The following PTPRF variants were observed in gnomAD, a reference collection of about 807,000 sequenced individuals.
The protein encoded by PTPRF is receptor-type tyrosine-protein phosphatase F.
A neutral mutation model predicts 201.8 loss-of-function variants in PTPRF; 59 were observed. The ratio of observed to expected loss-of-function variants is 0.29; its 90% CI spans 0.24 to 0.36. The LOEUF (loss-of-function observed/expected upper bound fraction) is 0.36. Among genes scored for constraint, PTPRF ranks in the 10% least tolerant of loss-of-function variants. PTPRF has a pLI of 1.00. For synonymous variants in PTPRF, 1,088 were observed against 1,089.7 expected (o/e 1.00, Z 0.03); for missense variants, 2,132 against 2,690.5 (o/e 0.79, Z 4.59).
At chr1:43,568,973 A>G (rs1646377130) in intron 5 of PTPRF, among the ~76,000 whole-genome samples, 1 of 152,238 alleles carries the variant, frequency 6.6e-6, no homozygotes, top group Non-Finnish European at 1.5e-5. Context: ...AGAAAGCTCA[A>G]GGTCAAGGCT....
In PTPRF at chr1:43,606,341, G is replaced by T; in HGVS notation, c.3585G>T (p.Pro1195=). Residue 1195 remains proline, a synonymous_variant, in exon 20 of 34, where the codon CCG becomes CCT. Coordinates refer to ENST00000359947, the MANE Select transcript of PTPRF (RefSeq NM_002840.5). ...TGGCTGCTCAACTGGATGTGCTCCCGGAGACCTTTACCTTGGGGGACAAGA... is the reference window on the plus strand; with the variant it reads ...TGGCTGCTCAACTGGATGTGCTCCCTGAGACCTTTACCTTGGGGGACAAGA... ...PYVAAQLDVL[P]ETFTLGDKKN... 1 of 1,614,172 alleles carries T rather than the reference G, an allele frequency of 6.2e-7. No homozygotes were observed. The highest frequency in any genetic ancestry group is 8.5e-7 in the Non-Finnish European group (1 of 1,180,016).
chr1:43,578,665 G>C, intron 6 of PTPRF, 145 bp from the exon 7 acceptor site: 1 of 637,422 alleles, frequency 1.6e-6, no homozygotes, highest in Non-Finnish European at 2.8e-6. Flanking sequence ...GAGCTTCCTG[G>C]AAGCAGCAGG....
At chr1:43,616,929 C>T (rs1459421795) in intron 23 of PTPRF, among the ~76,000 whole-genome samples, 4 of 152,012 alleles carry the variant, frequency 2.6e-5, no homozygotes, top group African/African-American at 9.7e-5. Context: ...ACGGGAAGGG[C>T]AGGGGAGAGA....
intron 9 of PTPRF, 117 bp downstream of exon 9, chr1:43,591,670 T>A: frequency 7.0e-7 from 1 of 1,437,010 alleles, no homozygotes; most frequent in South Asian, 1.4e-5. Flanking sequence ...AGGATCAAGG[T>A]GCCGTATTCC....
Position 43,605,360 on chromosome 1 carries a change from C to G in PTPRF, c.3306C>G (p.His1102Gln). The G allele has an allele frequency of 6.2e-7, 1 of 1,613,528 alleles. No homozygotes were observed. Among genetic ancestry groups the G allele is most frequent in the Non-Finnish European group, 8.5e-7 (1 of 1,179,890 alleles). ...SIRTAPDLLP[H>Q]KPLPASAYIE... ...GCACAGCCCCCGACCTCCTGCCTCA[C>G]AAGCCGCTGCCTGCCTCTGCCTACA... Residue 1102 changes from histidine (H) to glutamine (Q), a missense_variant, in exon 18 of 34, where the codon CAC becomes CAG. Coordinates refer to ENST00000359947, the MANE Select transcript of PTPRF (RefSeq NM_002840.5).
chr1:43,562,475 G>A (rs1322758891), intron 5 of PTPRF, among the ~76,000 whole-genome samples: 4 of 151,710 alleles, frequency 2.6e-5, no homozygotes, highest in African/African-American at 9.7e-5. Flanking sequence ...GCGTGATCTC[G>A]GCTCACTGCA....
intron 31 of PTPRF, 62 bp downstream of exon 31, chr1:43,620,641 C>T (rs1441992396): frequency 6.3e-7 from 1 of 1,586,986 alleles, no homozygotes; most frequent in South Asian, 1.2e-5. Context: ...TGGATGGCTG[C>T]CTGCATGGTA....
intron 10 of PTPRF, 28 bp from the exon 11 acceptor site, chr1:43,592,429 G>A (rs1382728838): frequency 1.3e-6 from 2 of 1,586,422 alleles, no homozygotes; most frequent in East Asian, 2.2e-5. Context: ...GCTCAGAGCT[G>A]TCAGTGAGTG....
At position 43,591,818 on chromosome 1, in the gene PTPRF, C is replaced by T. The variant is rs747721714; in HGVS notation, c.1538C>T (p.Ala513Val). The change falls in exon 10 of 34, where the codon GCC becomes GTC. Residue 513 changes from alanine (A) to valine (V), a missense_variant. Ala to Val is a moderately conservative substitution (Grantham distance 64). Coordinates refer to ENST00000359947, the MANE Select transcript of PTPRF (RefSeq NM_002840.5). Reference protein sequence around the residue: ...IQVKTQQGVPAQPADFQAEVE... With the variant: ...IQVKTQQGVPVQPADFQAEVE... ...CTGGTGTGGGGTGTTGCAGTGCCTG[C>T]CCAGCCCGCGGACTTCCAGGCCGAG... 6.2e-7 allele frequency: 1 copy of T among 1,613,020 alleles called. No individual in the cohort carries two copies. The highest frequency in any genetic ancestry group is 8.5e-7 in the Non-Finnish European group (1 of 1,179,934).
Position 43,592,355 on chromosome 1 carries a change from C to G in PTPRF, c.1669-102C>G. ...TATGGTGTGGAGCCAGTCCTGGAGC[C>G]GTGGTGGGTCCAGAGGTGTCACATT... On this transcript the variant is annotated intron_variant, in intron 10 of 33. Transcript: ENST00000359947. 3 of 1,399,182 alleles carry G rather than the reference C, an allele frequency of 2.1e-6. No homozygotes were observed. The South Asian group carries it at 4.1e-5, about 19-fold the overall frequency. 86.7% of individuals were successfully genotyped at this position (1,399,182 alleles called of 1,614,324 possible).
At chr1:43,609,547 C>T in intron 22 of PTPRF, 49 bp downstream of exon 22, 1 of 1,464,504 alleles carries the variant, frequency 6.8e-7, no homozygotes, top group Non-Finnish European at 9.5e-7. Context: ...CCTAGCAGGC[C>T]TGTGGGTCTG....
rs188071444 is a variant in PTPRF, at chr1:43,553,338, A to G, written c.92-154A>G. Among the ~76,000 whole-genome samples the G allele has an allele frequency of 6.6e-6, 1 of 152,332 alleles. No individual in the cohort carries two copies. The highest frequency in any genetic ancestry group is 6.5e-5 in the Admixed American group (1 of 15,304). On this transcript the variant is annotated intron_variant, in intron 3 of 33. Coordinates refer to ENST00000359947, the MANE Select transcript of PTPRF (RefSeq NM_002840.5). The surrounding 1 kb of genome is among the most constrained non-coding windows in gnomAD (Gnocchi z 4.1). Reference sequence around the variant, plus strand: ...GAGTTAAAAAATGTTAAACTCTCTGAACAGTGCCTGGCACATACTAAGCGC... The same window carrying G: ...GAGTTAAAAAATGTTAAACTCTCTGGACAGTGCCTGGCACATACTAAGCGC...
intron 5 of PTPRF, among the ~76,000 whole-genome samples, chr1:43,560,127 C>T (rs1222914568): frequency 7.1e-6 from 1 of 140,442 alleles, no homozygotes; most frequent in African/African-American, 2.9e-5. Context: ...TGTGTGTGTA[C>T]AATAGGTGGC....
intron 22 of PTPRF, among the ~76,000 whole-genome samples, chr1:43,611,773 A>G (rs1287389774): frequency 1.3e-5 from 2 of 152,220 alleles, no homozygotes; most frequent in Admixed American, 1.3e-4. Context: ...TGAGGACAGC[A>G]GAGTCCGGGC....
Position 43,597,755 on chromosome 1 carries a change from C to A in PTPRF, c.1821C>A (p.Ser607=). The change falls in exon 12 of 34, where the codon TCC becomes TCA. Residue 607 remains serine, a synonymous_variant. Coordinates refer to ENST00000359947, the MANE Select transcript of PTPRF (RefSeq NM_002840.5). ...CCCATTTGTCTTCCCCAGCCCCCTC[C>A]GCCCCTCCCCAGAAGGTGATGTGTG... ...IEARTAQSTP[S]APPQKVMCVS... The A allele has an allele frequency of 6.3e-7, 1 of 1,582,866 alleles. No individual in the cohort carries two copies.
chr1:43,560,971 T>C (rs1488799646), intron 5 of PTPRF, among the ~76,000 whole-genome samples: 2 of 152,172 alleles, frequency 1.3e-5, no homozygotes, highest in East Asian at 3.9e-4. Context: ...TTGCCAGCCT[T>C]GGAGCAGGCT....
chr1:43,614,689 A>G (rs1195354842), intron 23 of PTPRF, among the ~76,000 whole-genome samples: 1 of 152,096 alleles, frequency 6.6e-6, no homozygotes, highest in Non-Finnish European at 1.5e-5. Context: ...CATCTCTACT[A>G]TAAATACAAA....
chr1:43,598,952 C>T (rs1309980155), intron 13 of PTPRF, 39 bp downstream of exon 13: 1 of 1,593,212 alleles, frequency 6.3e-7, no homozygotes. Flanking sequence ...AGGGTGAGCA[C>T]AGACCAGCAT....
chr1:43,605,211 G>T lies in PTPRF; in HGVS notation c.3157G>T (p.Val1053Leu). Residue 1053 changes from valine (V) to leucine (L), a missense_variant, in exon 18 of 34, where the codon GTG (valine) becomes TTG (leucine). Coordinates refer to ENST00000359947, the MANE Select transcript of PTPRF (RefSeq NM_002840.5). ...ACAGATTCTGTACAATGGGCAGAGT[G>T]TGGAGGTGGACGGGCACTCGATGCG... ...PFKILYNGQS[V>L]EVDGHSMRKL... 6.2e-7 allele frequency: 1 copy of T among 1,604,346 alleles called. No homozygotes were observed. Among genetic ancestry groups the T allele is most frequent in the Non-Finnish European group, 8.5e-7 (1 of 1,172,542 alleles).
Sources: gnomAD v4.1 joint callset for allele counts (sites outside exome capture counted in the v4.1 genomes callset) on GRCh38, gnomAD v4.1.1 for gene constraint, Gnocchi (gnomAD v3.1) non-coding constraint, MANE v1.5 for transcripts, NCBI Gene and HGNC (gene_info 2026-07-23, HGNC 2026-07-21) for gene names.